Variants in DGKH observed in about 807,000 individuals in gnomAD.
DGKH encodes diacylglycerol kinase eta.
DGKH carries 90 observed loss-of-function variants against 159.3 expected under a neutral mutation model. That is an observed-to-expected ratio of 0.57 (90% confidence interval 0.48 to 0.67). The LOEUF (loss-of-function observed/expected upper bound fraction) is 0.67. Ranked by LOEUF, DGKH falls within the 30% of genes least tolerant of loss-of-function variation. The pLI, the probability that DGKH is intolerant of heterozygous loss-of-function variation, is 0.00. For missense variants in DGKH, 1,181 were observed against 1,506.1 expected, an observed-to-expected ratio of 0.78 and a Z score of 3.57; for synonymous variants, 536 against 553.8, an observed-to-expected ratio of 0.97 and a Z score of 0.45.
intron 1 of DGKH, among the ~76,000 whole-genome samples, chr13:42,077,651 A>C (rs1431714492): frequency 6.6e-6 from 1 of 152,206 alleles, no homozygotes; most frequent in Non-Finnish European, 1.5e-5. Context: ...GAAAAGTTAG[A>C]GTGATTTAGG....
chr13:42,141,231 C>A lies in DGKH; in HGVS notation c.384+11599C>A, dbSNP rs376606116. 1.3e-3 allele frequency among the ~76,000 whole-genome samples: 202 copies of A among 151,706 alleles called. 1 individual carries two copies. The highest frequency in any genetic ancestry group is 0.011 in the East Asian group (58 of 5,166). On this transcript the variant is annotated intron_variant, in intron 3 of 29. Coordinates refer to ENST00000337343, the MANE Select transcript of DGKH (RefSeq NM_178009.5). ...TCCATGTCCCTACAAAGGACATGAACTCATCATTTTTTATGGCTGCATAGT... is the reference window on the plus strand; with the variant it reads ...TCCATGTCCCTACAAAGGACATGAAATCATCATTTTTTATGGCTGCATAGT...
At chr13:42,138,905 T>A (rs1955466471) in intron 3 of DGKH, among the ~76,000 whole-genome samples, 1 of 152,214 alleles carries the variant, frequency 6.6e-6, no homozygotes, top group Non-Finnish European at 1.5e-5. Flanking sequence ...AAAACTGATT[T>A]AAGTACAATT....
chr13:42,222,951 T>TAAGAATTATCTTAGA (rs1309137987), intron 29 of DGKH, among the ~76,000 whole-genome samples: 1 of 152,236 alleles, frequency 6.6e-6, no homozygotes, highest in Admixed American at 6.5e-5. Flanking sequence ...AGAAGATGGT[T>TAAGAATTATCTTAGA]AAGAATTATC....
chr13:42,243,081 T>C (rs140779833), downstream of DGKH, among the ~76,000 whole-genome samples: 371 of 152,304 alleles, frequency 2.4e-3, no homozygotes, highest in Admixed American at 3.7e-3. Context: ...AACCAGGACA[T>C]TGAGATGCAT....
intron 11 of DGKH, among the ~76,000 whole-genome samples, chr13:42,172,901 C>T (rs1174071263): frequency 6.6e-6 from 1 of 152,080 alleles, no homozygotes; most frequent in Non-Finnish European, 1.5e-5. Context: ...TCTTGAACTC[C>T]TGACCGCAGG....
rs534993111 is a variant in DGKH, at chr13:42,127,134, C to T, written c.193-329C>T. ...TCTGGCTCCAGGACCTCTGCTCTTT[C>T]GTAATCATATTATACTGCACCTCCA... On this transcript the variant is annotated intron_variant, in intron 1 of 29. Transcript: ENST00000337343. Among the ~76,000 whole-genome samples the T allele has an allele frequency of 4.7e-4, 71 of 152,268 alleles. 1 individual carries two copies. The highest frequency in any genetic ancestry group is 1.8e-3 in the Admixed American group (27 of 15,280).
At chr13:42,165,143 A>G (rs1484597728) in intron 7 of DGKH, among the ~76,000 whole-genome samples, 188 bp from the exon 8 acceptor site, 2 of 152,124 alleles carry the variant, frequency 1.3e-5, no homozygotes, top group Non-Finnish European at 2.9e-5. Context: ...ATGGACTAAA[A>G]TCAAATTTCC....
In DGKH at chr13:42,237,404, AAAAG is replaced by A. The variant is rs2138312792; in HGVS notation, c.*8220_*8223del. ...AAGCAGTTATTGGAAGTGGGGGAAA[AAAAG>A]AAAACTGGTGAGAGAAATTACATGG... On this transcript the variant is annotated 3_prime_UTR_variant, in exon 30 of 30. Transcript: ENST00000337343. 1 of 152,354 alleles carries A rather than the reference AAAAG, an allele frequency of 6.6e-6. No homozygotes were observed. The highest frequency in any genetic ancestry group is 1.5e-5 in the Non-Finnish European group (1 of 68,028). The allele number at this position is 152,354 out of a possible 1,614,324, so 9.4% of individuals were successfully genotyped here. A position where few individuals can be genotyped will look rare whatever the true frequency, so the allele number is the denominator to read the frequency against.
Position 42,209,443 on chromosome 13 carries a change from C to G in DGKH, c.2828C>G (p.Ala943Gly), listed in dbSNP as rs780366050. The G allele has an allele frequency of 6.2e-7, 1 of 1,611,998 alleles. No homozygotes were observed. The highest frequency in any genetic ancestry group is 1.1e-5 in the South Asian group (1 of 90,642). ...ATCAAAATTGTGCACAAAAACAGAG[C>G]ACAAATGCTAACAAGGGACAGAGTA... ...GIIKIVHKNR[A>G]QMLTRDRAFE... Residue 943 changes from alanine (A) to glycine (G), a missense_variant, in exon 23 of 30, where the codon GCA (alanine) becomes GGA (glycine). Coordinates refer to ENST00000337343, the MANE Select transcript of DGKH (RefSeq NM_178009.5).
chr13:42,139,163 T>A (rs2137877257), intron 3 of DGKH, among the ~76,000 whole-genome samples: 1 of 152,340 alleles, frequency 6.6e-6, no homozygotes, highest in Non-Finnish European at 1.5e-5. Context: ...CCATTGGTCC[T>A]TTTGTAGCTA....
chr13:42,215,714 C>G, intron 26 of DGKH, 47 bp downstream of exon 26: 1 of 1,516,236 alleles, frequency 6.6e-7, no homozygotes, highest in African/African-American at 1.4e-5. Flanking sequence ...AATTAAATGT[C>G]TGGGTCTTAC....
Position 42,189,191 on chromosome 13 carries a change from G to A in DGKH, c.1794G>A (p.Gln598=). The A allele has an allele frequency of 6.2e-7, 1 of 1,614,244 alleles. No individual in the cohort carries two copies. Among genetic ancestry groups the A allele is most frequent in the Non-Finnish European group, 8.5e-7 (1 of 1,180,038 alleles). The part of the protein sequence containing the change: ...SEESLGESKE[Q]LGDDVTKPSS... The stretch of plus-strand genomic sequence containing the variant: ...AGTCCCTGGGTGAAAGCAAAGAGCA[G>A]CTTGGGGATGACGTTACAAAACCTT... The change falls in exon 15 of 30, where the codon CAG becomes CAA. Residue 598 remains glutamine (Q), a synonymous_variant. Coordinates refer to ENST00000337343, the MANE Select transcript of DGKH (RefSeq NM_178009.5).
chr13:42,047,345 A>G (rs891412961), upstream of DGKH, among the ~76,000 whole-genome samples: 13 of 152,298 alleles, frequency 8.5e-5, no homozygotes, highest in African/African-American at 3.1e-4. Flanking sequence ...AAAAATTAGA[A>G]CCTTAGTTTG....
At chr13:42,170,255 A>G (rs994019060) in intron 11 of DGKH, among the ~76,000 whole-genome samples, 11 of 152,116 alleles carry the variant, frequency 7.2e-5, no homozygotes, top group South Asian at 2.1e-4. Context: ...TGCTATAGAA[A>G]TTCACTTCTC....
Position 42,155,298 on chromosome 13 carries a change from C to G in DGKH, c.392C>G (p.Thr131Ser). 1 of 1,593,380 alleles carries G rather than the reference C, an allele frequency of 6.3e-7. No individual in the cohort carries two copies. The highest frequency in any genetic ancestry group is 8.5e-7 in the Non-Finnish European group (1 of 1,174,736). Reference protein sequence around the residue: ...KNANNSFTIITPFRRLMLCAE... With the variant: ...KNANNSFTIISPFRRLMLCAE... ...TTGAATTATCCCTTTCAGATCATCACTCCATTCAGAAGGCTAATGCTGTGT... is the reference window on the plus strand; with the variant it reads ...TTGAATTATCCCTTTCAGATCATCAGTCCATTCAGAAGGCTAATGCTGTGT... Residue 131 changes from threonine to serine, a missense_variant, in exon 4 of 30, where the codon ACT becomes AGT. Around this residue, in one of 5 missense-constraint regions of DGKH, gnomAD observed 369 missense variants for 519.4 expected, o/e 0.71. Coordinates refer to ENST00000337343, the MANE Select transcript of DGKH (RefSeq NM_178009.5).
chr13:42,249,798 TTA>T (rs906486448), intron 29 of DGKH, among the ~76,000 whole-genome samples: 2 of 152,066 alleles, frequency 1.3e-5, no homozygotes, highest in Admixed American at 6.5e-5. Context: ...AGATTATGTT[TTA>T]AAAAAGTTTT....
intron 3 of DGKH, among the ~76,000 whole-genome samples, chr13:42,139,734 AT>A (rs1190107952): frequency 6.6e-6 from 1 of 152,214 alleles, no homozygotes; most frequent in African/African-American, 2.4e-5. Context: ...TATAGCAGGC[AT>A]TTGTGCTAGA....
At chr13:42,042,831 G>A (rs7323105) in intron 1 of DGKH, among the ~76,000 whole-genome samples, 142,019 of 152,308 alleles carry the variant, frequency 0.93, 66,353 homozygotes, top group East Asian at 1. Flanking sequence ...CCCTGTGGTC[G>A]TACAGATATC....
intron 29 of DGKH, chr13:42,252,285 A>G (rs1385598854): frequency 6.6e-6 from 1 of 152,118 alleles, no homozygotes; most frequent in Non-Finnish European, 1.5e-5. Context: ...TGGATGTTTA[A>G]TACAGTGTCT....
Sources: gnomAD v4.1 joint callset for allele counts (sites outside exome capture counted in the v4.1 genomes callset) on GRCh38, gnomAD v4.1.1 for gene constraint, gnomAD v4.1.1 regional missense constraint, MANE v1.5 for transcripts, NCBI Gene and HGNC (gene_info 2026-07-23, HGNC 2026-07-21) for gene names.